The following PTN variants were observed in gnomAD, a reference collection of about 807,000 sequenced individuals.
PTN encodes the protein pleiotrophin.
In PTN, 18 loss-of-function variants were observed where a neutral mutation model predicts 24.1. That is an observed-to-expected ratio of 0.75 (90% CI 0.52 to 1.11). The LOEUF (loss-of-function observed/expected upper bound fraction) is 1.11, where lower values mean the gene tolerates loss of function less well. Ranked by LOEUF, PTN falls within the 50% of genes least tolerant of loss-of-function variation. The pLI, the probability that PTN is intolerant of heterozygous loss-of-function variation, is 0.00. For missense variants in PTN, 163 were observed against 198.8 expected, an observed-to-expected ratio of 0.82 and a Z score of 1.08; for synonymous variants, 78 against 68.6, an observed-to-expected ratio of 1.14 and a Z score of -0.67.
At chr7:137,298,812 C>A (rs142630914) in intron 1 of PTN, among the ~76,000 whole-genome samples, 2 of 152,040 alleles carry the variant, frequency 1.3e-5, no homozygotes, top group Non-Finnish European at 2.9e-5. Flanking sequence ...CAAAATTCAA[C>A]TTGCGAGCAA....
At chr7:137,245,864 G>T (rs1808713739) in intron 4 of PTN, among the ~76,000 whole-genome samples, 1 of 152,144 alleles carries the variant, frequency 6.6e-6, no homozygotes, top group Non-Finnish European at 1.5e-5. Context: ...TATAAGGAAA[G>T]AATACGTTTG....
At chr7:137,273,264 G>T (rs1327855871) in intron 1 of PTN, among the ~76,000 whole-genome samples, 1 of 152,194 alleles carries the variant, frequency 6.6e-6, no homozygotes, top group Non-Finnish European at 1.5e-5. Context: ...ACTGACTATG[G>T]TATCTAAAAT....
intron 1 of PTN, among the ~76,000 whole-genome samples, chr7:137,274,233 T>A (rs886368735): frequency 6.6e-6 from 1 of 151,994 alleles, no homozygotes; most frequent in Non-Finnish European, 1.5e-5. Context: ...CTAGAGCAGC[T>A]CCTCCTTCAC....
intron 1 of PTN, among the ~76,000 whole-genome samples, chr7:137,294,682 T>A (rs1472276550): frequency 1.3e-5 from 2 of 152,106 alleles, no homozygotes. Flanking sequence ...TGTCTTGAAC[T>A]CCCCTCAGTG....
chr7:137,327,360 C>T (rs1468139178), intron 1 of PTN, among the ~76,000 whole-genome samples: 1 of 151,652 alleles, frequency 6.6e-6, no homozygotes, highest in African/African-American at 2.4e-5. Flanking sequence ...TTTTTCTAAC[C>T]GTTGCTTCCA....
At chr7:137,292,901 G>GA (rs907404352) in intron 1 of PTN, among the ~76,000 whole-genome samples, 1 of 151,300 alleles carries the variant, frequency 6.6e-6, no homozygotes, top group Non-Finnish European at 1.5e-5. Context: ...TTTCCAAAAG[G>GA]AAAAAAAAGT....
chr7:137,317,812 C>T (rs181773094), intron 1 of PTN, among the ~76,000 whole-genome samples: 3 of 152,230 alleles, frequency 2.0e-5, no homozygotes, highest in African/African-American at 7.2e-5. Flanking sequence ...AGTTTATAGT[C>T]TTTGCAGGAA....
At chr7:137,256,008 T>C (rs1218004049) in intron 1 of PTN, among the ~76,000 whole-genome samples, 1 of 152,184 alleles carries the variant, frequency 6.6e-6, no homozygotes, top group African/African-American at 2.4e-5. Flanking sequence ...AGTTTAGGTG[T>C]TTCAACATTC....
intron 1 of PTN, among the ~76,000 whole-genome samples, chr7:137,261,975 T>C (rs1809047080): frequency 6.6e-6 from 1 of 152,058 alleles, no homozygotes; most frequent in Non-Finnish European, 1.5e-5. Flanking sequence ...TGTAGGGAAG[T>C]TAGAATAATA....
chr7:137,310,885 T>C (rs1375449311), intron 1 of PTN, among the ~76,000 whole-genome samples: 1 of 152,160 alleles, frequency 6.6e-6, no homozygotes, highest in Non-Finnish European at 1.5e-5. Context: ...TGAACCAATC[T>C]CTGCTGGCTT....
chr7:137,238,192 A>ACCC (rs1808557991), intron 4 of PTN, among the ~76,000 whole-genome samples: 2 of 152,196 alleles, frequency 1.3e-5, no homozygotes, highest in Non-Finnish European at 2.9e-5. Flanking sequence ...GGAGTGTGCC[A>ACCC]AGTGTCCCCA....
chr7:137,297,575 A>G (rs1397796535), intron 1 of PTN, among the ~76,000 whole-genome samples: 1 of 152,084 alleles, frequency 6.6e-6, no homozygotes, highest in Non-Finnish European at 1.5e-5. Flanking sequence ...TCATTGTCAG[A>G]ATCTACAGAG....
chr7:137,293,055 G>T (rs982581528), intron 1 of PTN, among the ~76,000 whole-genome samples: 3 of 151,938 alleles, frequency 2.0e-5, no homozygotes, highest in African/African-American at 7.3e-5. Context: ...TTTTTACATA[G>T]TTGCCATCTC....
At chr7:137,261,395 G>A (rs1034207649) in intron 1 of PTN, among the ~76,000 whole-genome samples, 2 of 152,038 alleles carry the variant, frequency 1.3e-5, no homozygotes, top group Non-Finnish European at 2.9e-5. Context: ...TAGTCTCATG[G>A]TAATAATATA....
chr7:137,261,782 C>T (rs2128872672), intron 1 of PTN, among the ~76,000 whole-genome samples: 1 of 152,278 alleles, frequency 6.6e-6, no homozygotes, highest in East Asian at 1.9e-4. Flanking sequence ...CTAGTGCTAA[C>T]AACAGGCTGA....
intron 1 of PTN, among the ~76,000 whole-genome samples, chr7:137,274,133 G>A (rs931793409): frequency 1.5e-4 from 23 of 152,026 alleles, no homozygotes; most frequent in Non-Finnish European, 2.2e-4. Flanking sequence ...GAAGCACCAA[G>A]GGTTGCAGCA....
At chr7:137,235,736 A>G (rs899401382) in intron 4 of PTN, among the ~76,000 whole-genome samples, 1 of 152,014 alleles carries the variant, frequency 6.6e-6, no homozygotes, top group Non-Finnish European at 1.5e-5. Context: ...TGCTTCATCC[A>G]CACCTCTTCT....
chr7:137,341,737 C>T (rs1219632942), intron 1 of PTN, among the ~76,000 whole-genome samples: 2 of 151,728 alleles, frequency 1.3e-5, no homozygotes, highest in Non-Finnish European at 2.9e-5. Flanking sequence ...AAAAAGATGT[C>T]CTAAAGGGAA....
At chr7:137,299,108 T>C (rs1466097966) in intron 1 of PTN, among the ~76,000 whole-genome samples, 2 of 151,932 alleles carry the variant, frequency 1.3e-5, no homozygotes, top group African/African-American at 2.4e-5. Context: ...CATGGGCACA[T>C]TGCATTCACA....
Sources: allele counts gnomAD v4.1 joint callset (sites outside exome capture counted in the v4.1 genomes callset), GRCh38; gene constraint gnomAD v4.1.1; transcripts MANE v1.5; gene names NCBI Gene and HGNC (gene_info 2026-07-23, HGNC 2026-07-21).